The following CLASP1 variants were observed in gnomAD, a reference collection of about 807,000 sequenced individuals.
CLASP1 encodes CLIP-associating protein 1.
A neutral mutation model predicts 192.3 loss-of-function variants in CLASP1; 38 were observed. The ratio of observed to expected loss-of-function variants is 0.20; its 90% CI spans 0.15 to 0.26. The LOEUF (loss-of-function observed/expected upper bound fraction) is 0.26, where lower values mean the gene tolerates loss of function less well. Ranked by LOEUF, CLASP1 falls within the 10% of genes least tolerant of loss-of-function variation. The probability of loss-of-function intolerance (pLI) is 1.00; values close to 1 mark genes in which losing one functional copy is unlikely to be tolerated. For synonymous variants in CLASP1, 691 were observed against 712.8 expected, an observed-to-expected ratio of 0.97 and a Z score of 0.49; for missense variants, 1,433 against 1,932.5, an observed-to-expected ratio of 0.74 and a Z score of 4.85.
chr2:121,412,797 T>C (rs528271039), intron 23 of CLASP1, among the ~76,000 whole-genome samples: 25 of 152,318 alleles, frequency 1.6e-4, no homozygotes, highest in Admixed American at 1.2e-3. Context: ...GGGAAATGTT[T>C]ATCTGGATCT....
At chr2:121,631,907 C>A (rs1323083340) in intron 1 of CLASP1, among the ~76,000 whole-genome samples, 1 of 151,872 alleles carries the variant, frequency 6.6e-6, no homozygotes, top group Admixed American at 6.6e-5. Context: ...ATTAGCTGGG[C>A]GTGGTGGCGT....
chr2:121,454,959 T>A (rs148111497), intron 14 of CLASP1, among the ~76,000 whole-genome samples: 21 of 152,344 alleles, frequency 1.4e-4, no homozygotes, highest in African/African-American at 4.8e-4. Flanking sequence ...GGTACCTTTA[T>A]ACCTAACAAG....
At chr2:121,384,005 TATACACAC>T (rs2072455638) in intron 32 of CLASP1, among the ~76,000 whole-genome samples, 1 of 137,898 alleles carries the variant, frequency 7.3e-6, no homozygotes, top group Admixed American at 7.5e-5. Context: ...TATATATATA[TATACACAC>T]ACACACACAC....
chr2:121,500,616 T>A (rs1190403016), intron 8 of CLASP1, among the ~76,000 whole-genome samples: 1 of 152,116 alleles, frequency 6.6e-6, no homozygotes, highest in Non-Finnish European at 1.5e-5. Context: ...ATGAAGGAAA[T>A]CAGGTGGTTT....
At chr2:121,611,243 A>C (rs1200834467) in intron 1 of CLASP1, among the ~76,000 whole-genome samples, 3 of 130,590 alleles carry the variant, frequency 2.3e-5, no homozygotes, top group Non-Finnish European at 4.9e-5. Flanking sequence ...CTGGAGGAGG[A>C]GGCGTTGGAG....
At chr2:121,628,035 TAA>T (rs1247749055) in intron 1 of CLASP1, among the ~76,000 whole-genome samples, 2 of 152,242 alleles carry the variant, frequency 1.3e-5, no homozygotes, top group Non-Finnish European at 2.9e-5. Flanking sequence ...TCATACACTT[TAA>T]GTCTGTACTT....
intron 38 of CLASP1, among the ~76,000 whole-genome samples, chr2:121,347,579 T>A (rs2063611752): frequency 6.6e-6 from 1 of 152,214 alleles, no homozygotes; most frequent in Non-Finnish European, 1.5e-5. Context: ...ACATCATCAC[T>A]CGCTCTTGTG....
chr2:121,380,538 G>A (rs746613950), intron 33 of CLASP1, among the ~76,000 whole-genome samples: 1 of 152,158 alleles, frequency 6.6e-6, no homozygotes, highest in Admixed American at 6.5e-5. Flanking sequence ...GCCCGCTAAA[G>A]GATCCATGTC....
intron 32 of CLASP1, among the ~76,000 whole-genome samples, chr2:121,382,923 G>C (rs1300978909): frequency 6.6e-6 from 1 of 152,178 alleles, no homozygotes; most frequent in Non-Finnish European, 1.5e-5. Flanking sequence ...CACCACTAGA[G>C]GGCTAGCATG....
intron 32 of CLASP1, among the ~76,000 whole-genome samples, chr2:121,385,694 T>C (rs913574314): frequency 6.6e-6 from 1 of 152,220 alleles, no homozygotes; most frequent in Non-Finnish European, 1.5e-5. Context: ...ATGTATGAAC[T>C]GTATATTATG....
At chr2:121,632,292 C>A (rs1309351845) in intron 1 of CLASP1, among the ~76,000 whole-genome samples, 1 of 151,972 alleles carries the variant, frequency 6.6e-6, no homozygotes, top group African/African-American at 2.4e-5. Context: ...ATCAAAACCT[C>A]CAACGTGAAT....
chr2:121,364,559 A>T (rs1052667914), intron 36 of CLASP1: 2 of 161,344 alleles, frequency 1.2e-5, no homozygotes, highest in African/African-American at 4.8e-5. Context: ...AGCATGATGA[A>T]GCTTTTTTTA....
At chr2:121,559,740 C>T (rs956198616) in intron 2 of CLASP1, among the ~76,000 whole-genome samples, 4 of 152,048 alleles carry the variant, frequency 2.6e-5, no homozygotes, top group African/African-American at 9.7e-5. Context: ...CCTTTTAATA[C>T]AATGAAAATC....
intron 7 of CLASP1, among the ~76,000 whole-genome samples, chr2:121,509,678 A>C (rs1040043556): frequency 2.0e-4 from 31 of 152,098 alleles, no homozygotes; most frequent in Non-Finnish European, 7.4e-5. Flanking sequence ...TCTCTACTAA[A>C]ATTACAAAAA....
At chr2:121,649,136 C>T (rs566780411) in intron 1 of CLASP1, among the ~76,000 whole-genome samples, 3 of 152,312 alleles carry the variant, frequency 2.0e-5, no homozygotes, top group Admixed American at 1.3e-4. Context: ...CCGATCCCCT[C>T]CCTCTGCAAA....
chr2:121,360,927 T>C (rs2066272815), intron 37 of CLASP1, among the ~76,000 whole-genome samples: 1 of 152,016 alleles, frequency 6.6e-6, no homozygotes, highest in Non-Finnish European at 1.5e-5. Context: ...AAGGGCCTCA[T>C]ACCTGAGAAT....
At chr2:121,408,702 A>T (rs1015410257) in intron 24 of CLASP1, among the ~76,000 whole-genome samples, 1 of 152,218 alleles carries the variant, frequency 6.6e-6, no homozygotes, top group African/African-American at 2.4e-5. Context: ...TTCCTAAAAT[A>T]AGAAAAATGT....
chr2:121,647,981 G>C (rs879557191), intron 1 of CLASP1, among the ~76,000 whole-genome samples: 12 of 152,060 alleles, frequency 7.9e-5, no homozygotes, highest in South Asian at 2.1e-4. Flanking sequence ...CTGCTAAAAA[G>C]GTGTATTACA....
intron 8 of CLASP1, among the ~76,000 whole-genome samples, chr2:121,472,993 A>C (rs1383502367): frequency 6.6e-6 from 1 of 152,242 alleles, no homozygotes; most frequent in African/African-American, 2.4e-5. Flanking sequence ...TCCTAAAAGA[A>C]ATATAACAAG....
Sources: allele counts gnomAD v4.1 joint callset (sites outside exome capture counted in the v4.1 genomes callset), GRCh38; gene constraint gnomAD v4.1.1; transcripts MANE v1.5; gene names NCBI Gene and HGNC (gene_info 2026-07-23, HGNC 2026-07-21).